BEND5: variants seen among roughly 807,000 people sequenced by gnomAD.
The protein encoded by BEND5 is BEN domain-containing protein 5.
BEND5 carries 22 observed loss-of-function variants against 43.9 expected under a neutral mutation model. The ratio of observed to expected loss-of-function variants is 0.50; its 90% CI spans 0.36 to 0.72. The LOEUF (loss-of-function observed/expected upper bound fraction) is 0.72. Among genes scored for constraint, BEND5 ranks in the 30% least tolerant of loss-of-function variants. BEND5 has a pLI of 0.00. For synonymous variants in BEND5, 228 were observed against 225.9 expected, an observed-to-expected ratio of 1.01 and a Z score of -0.08; for missense variants, 428 against 550.6, an observed-to-expected ratio of 0.78 and a Z score of 2.23.
At chr1:48,751,578 G>T (rs1651736337) in intron 3 of BEND5, among the ~76,000 whole-genome samples, 2 of 152,164 alleles carry the variant, frequency 1.3e-5, no homozygotes, top group Admixed American at 1.3e-4. Context: ...CCCAAAGCAG[G>T]TATTCCTAGA....
In BEND5 at chr1:48,762,220, C is replaced by T. The variant is rs536394550; in HGVS notation, c.227-750G>A. Among the ~76,000 whole-genome samples, 7 of 152,214 alleles carry T rather than the reference C, an allele frequency of 4.6e-5. No individual in the cohort carries two copies. The South Asian group carries it at 1.5e-3, about 32-fold the overall frequency. ...ACCTCGCCCACTGCTTACGTGTGCTCACGACACATACTGAATGTAAAGTGC... is the reference window on the plus strand; with the variant it reads ...ACCTCGCCCACTGCTTACGTGTGCTTACGACACATACTGAATGTAAAGTGC... On this transcript the variant is annotated intron_variant, in intron 1 of 5. Transcript: ENST00000371833.
intron 1 of BEND5, among the ~76,000 whole-genome samples, chr1:48,775,998 G>A (rs567047622): frequency 2.0e-4 from 30 of 152,356 alleles, no homozygotes; most frequent in Admixed American, 1.1e-3. Flanking sequence ...GCAGGAGAGT[G>A]TGGTGTGGAG....
In BEND5 at chr1:48,736,321, G is replaced by A. The variant is rs149855111; in HGVS notation, c.1026C>T (p.Ser342=). Residue 342 remains serine (S), a synonymous_variant, in exon 5 of 6, where the codon AGC becomes AGT. Coordinates refer to ENST00000371833, the MANE Select transcript of BEND5 (RefSeq NM_024603.4). This position sits in a 1 kb window ranked among gnomAD's most constrained non-coding sequence, Gnocchi z 4.0. ...IWGTDVLKNR[S]VTGVATKKKK... ...TTTTTTTTGTGGCGACGCCTGTGACGCTTCTGTTTTTCAGAACATCTGTTC... is the reference window on the plus strand; with the variant it reads ...TTTTTTTTGTGGCGACGCCTGTGACACTTCTGTTTTTCAGAACATCTGTTC... 8.7e-6 allele frequency: 14 copies of A among 1,614,074 alleles called. No homozygotes were observed. In the Admixed American group the frequency reaches 1.5e-4, roughly 17 times the overall value.
intron 5 of BEND5, among the ~76,000 whole-genome samples, chr1:48,733,936 G>T (rs1648586560): frequency 6.6e-6 from 1 of 152,160 alleles, no homozygotes; most frequent in South Asian, 2.1e-4. Flanking sequence ...CACAGCAGAT[G>T]ATTTTATACC....
chr1:48,770,516 TTC>T (rs1359430392), intron 1 of BEND5, among the ~76,000 whole-genome samples: 1 of 152,176 alleles, frequency 6.6e-6, no homozygotes, highest in Non-Finnish European at 1.5e-5. Flanking sequence ...CCTTGCACGC[TTC>T]TCTCACTCTG....
intron 1 of BEND5, 49 bp downstream of exon 1, chr1:48,776,557 T>G: frequency 5.6e-6 from 6 of 1,068,260 alleles, no homozygotes; most frequent in Non-Finnish European, 6.1e-6. Flanking sequence ...CCTCCCGGGG[T>G]CCCAGCCCCC....
chr1:48,727,872 G>A lies in BEND5; in HGVS notation c.*14C>T. The A allele has an allele frequency of 6.3e-7, 1 of 1,598,624 alleles. No individual in the cohort carries two copies. Among genetic ancestry groups the A allele is most frequent in the Non-Finnish European group, 8.6e-7 (1 of 1,168,504 alleles). On this transcript the variant is annotated 3_prime_UTR_variant, in exon 6 of 6. Transcript: ENST00000371833. ...CACAAGGAAAACACGAAAGCTTTAT[G>A]AAAAATCCAAAGTTTATTGCAAATT...
intron 1 of BEND5, among the ~76,000 whole-genome samples, chr1:48,765,331 A>G (rs1644477637): frequency 6.6e-6 from 1 of 152,368 alleles, no homozygotes; most frequent in Non-Finnish European, 1.5e-5. Flanking sequence ...AACATCATCA[A>G]TCATTAGGGA....
At chr1:48,748,756 G>A (rs1426495769) in intron 3 of BEND5, among the ~76,000 whole-genome samples, 1 of 152,164 alleles carries the variant, frequency 6.6e-6, no homozygotes, top group Non-Finnish European at 1.5e-5. Flanking sequence ...AAGGCTTCAG[G>A]AAAGTGGTGA....
chr1:48,759,355 C>T, intron 2 of BEND5, 71 bp from the exon 3 acceptor site: 1 of 1,499,994 alleles, frequency 6.7e-7, no homozygotes, highest in Non-Finnish European at 8.9e-7. Context: ...ATCAATATTT[C>T]CCCAGACAAT....
chr1:48,749,275 T>C (rs534338749), intron 3 of BEND5, among the ~76,000 whole-genome samples: 1 of 152,138 alleles, frequency 6.6e-6, no homozygotes, highest in Non-Finnish European at 1.5e-5. Flanking sequence ...CACTGTCACG[T>C]GATTGTTTGT....
At chr1:48,738,687 C>T (rs981352427) in intron 4 of BEND5, among the ~76,000 whole-genome samples, 1 of 152,158 alleles carries the variant, frequency 6.6e-6, no homozygotes, top group African/African-American at 2.4e-5. Context: ...TCAAAAATCT[C>T]TGCTTTTTTC....
intron 1 of BEND5, among the ~76,000 whole-genome samples, chr1:48,774,322 G>C (rs899572911): frequency 3.3e-5 from 5 of 152,214 alleles, no homozygotes; most frequent in Non-Finnish European, 7.3e-5. Context: ...CCAAGTTTAA[G>C]TCAGGAAGGG....
chr1:48,730,985 T>C (rs192069854), intron 5 of BEND5, among the ~76,000 whole-genome samples: 1 of 152,320 alleles, frequency 6.6e-6, no homozygotes, highest in East Asian at 1.9e-4. Flanking sequence ...GCGTCAATGT[T>C]TGCCCCATCC....
chr1:48,728,211 A>G (rs1570371096), intron 5 of BEND5, among the ~76,000 whole-genome samples, 168 bp from the exon 6 acceptor site: 1 of 152,216 alleles, frequency 6.6e-6, no homozygotes, highest in Non-Finnish European at 1.5e-5. Flanking sequence ...CTTAGAAAAG[A>G]GCAGATATAC....
chr1:48,757,671 C>T (rs1295908232), intron 3 of BEND5, among the ~76,000 whole-genome samples: 4 of 152,174 alleles, frequency 2.6e-5, no homozygotes, highest in Non-Finnish European at 5.9e-5. Context: ...TGGGGATATA[C>T]TTTAAGAAGC....
intron 1 of BEND5, among the ~76,000 whole-genome samples, chr1:48,767,849 C>T (rs577238014): frequency 1.3e-5 from 2 of 152,258 alleles, no homozygotes; most frequent in South Asian, 4.1e-4. Context: ...GGGCATTATC[C>T]TTTTCCTCCT....
chr1:48,763,543 A>T (rs529915923), intron 1 of BEND5, among the ~76,000 whole-genome samples: 1 of 152,190 alleles, frequency 6.6e-6, no homozygotes, highest in East Asian at 1.9e-4. Context: ...TGAGGGTGGT[A>T]TTAGGATTTC....
intron 5 of BEND5, among the ~76,000 whole-genome samples, chr1:48,730,724 T>C (rs561434422): frequency 6.6e-6 from 1 of 152,322 alleles, no homozygotes; most frequent in Non-Finnish European, 1.5e-5. Flanking sequence ...TCACCTGCAG[T>C]TGCCGGGAAT....
Sources: allele counts gnomAD v4.1 joint callset (sites outside exome capture counted in the v4.1 genomes callset), GRCh38; gene constraint gnomAD v4.1.1; non-coding constraint Gnocchi (gnomAD v3.1); transcripts MANE v1.5; gene names NCBI Gene and HGNC (gene_info 2026-07-23, HGNC 2026-07-21).